Variants in NPHP4 observed in about 807,000 individuals in gnomAD.
NPHP4 encodes nephrocystin-4.
NPHP4 carries 151 observed loss-of-function variants against 155.8 expected under a neutral mutation model. The observed-to-expected ratio is 0.97, with a 90% confidence interval of 0.85 to 1.11. NPHP4 has a LOEUF of 1.11. Ranked by LOEUF, NPHP4 falls within the 50% of genes least tolerant of loss-of-function variation. The pLI, the probability that NPHP4 is intolerant of heterozygous loss-of-function variation, is 0.00. For synonymous variants in NPHP4, 845 were observed against 816.8 expected (o/e 1.03, Z -0.59); for missense variants, 1,956 against 1,925.7 (o/e 1.02, Z -0.29).
intron 9 of NPHP4, among the ~76,000 whole-genome samples, chr1:5,937,563 C>T (rs898798485): frequency 3.3e-5 from 5 of 152,006 alleles, no homozygotes; most frequent in African/African-American, 4.8e-5. Flanking sequence ...CTGGGACCTC[C>T]AGCCCCAGGA....
intron 9 of NPHP4, among the ~76,000 whole-genome samples, chr1:5,942,942 TTGCAGGTTTGCCCC>T (rs1169138300): frequency 6.6e-6 from 1 of 152,198 alleles, no homozygotes; most frequent in African/African-American, 2.4e-5. Context: ...CTGGTGATTT[TTGCAGGTTTGCCCC>T]TGTTGCATTT....
intron 18 of NPHP4, chr1:5,880,525 G>T: frequency 2.5e-6 from 1 of 402,958 alleles, no homozygotes; most frequent in South Asian, 2.8e-5. Flanking sequence ...GCTGCACATG[G>T]ATTCTTACTT....
In NPHP4 at chr1:5,892,359, C is replaced by G. The variant is rs889381216; in HGVS notation, c.2144-1331G>C. ...CCGTGCCTAGCATGCTCCTGCCCCC[C>G]ACTCCAGGAGCTCTCAGCATGCTGT... On this transcript the variant is annotated intron_variant, in intron 16 of 29. Transcript: ENST00000378156. The surrounding 1 kb of genome is among the most constrained non-coding windows in gnomAD (Gnocchi z 4.5). Among the ~76,000 whole-genome samples the G allele has an allele frequency of 6.6e-6, 1 of 152,140 alleles. No individual in the cohort carries two copies. The highest frequency in any genetic ancestry group is 1.5e-5 in the Non-Finnish European group (1 of 68,008).
At chr1:5,961,484 A>C (rs1159673068) in intron 6 of NPHP4, among the ~76,000 whole-genome samples, 1 of 152,224 alleles carries the variant, frequency 6.6e-6, no homozygotes, top group Non-Finnish European at 1.5e-5. Context: ...CATGGCTGAG[A>C]TCCAGCCAGT....
intron 11 of NPHP4, among the ~76,000 whole-genome samples, chr1:5,913,974 C>A (rs1051108129): frequency 6.6e-6 from 1 of 152,122 alleles, no homozygotes; most frequent in Admixed American, 6.6e-5. Flanking sequence ...CCGCCAGGCA[C>A]GCAGCTCCCC....
chr1:5,935,910 G>C (rs971543794), intron 9 of NPHP4, among the ~76,000 whole-genome samples: 3 of 152,036 alleles, frequency 2.0e-5, no homozygotes, highest in African/African-American at 7.2e-5. Context: ...AAATGTATTA[G>C]GAAAACTTGT....
At chr1:5,941,898 G>A (rs1646835686) in intron 9 of NPHP4, among the ~76,000 whole-genome samples, 1 of 152,228 alleles carries the variant, frequency 6.6e-6, no homozygotes, top group Non-Finnish European at 1.5e-5. Context: ...CTGCAGGTCT[G>A]TGGGAAAGCT....
At position 5,887,078 on chromosome 1, in the gene NPHP4, C is replaced by T. The variant is rs1007947440; in HGVS notation, c.2485+208G>A. On this transcript the variant is annotated intron_variant, in intron 18 of 29. Coordinates refer to ENST00000378156, the MANE Select transcript of NPHP4 (RefSeq NM_015102.5). ...CGAGATGACTGATGACCTCTAACCC[C>T]AATCAGAAATTCAGAATGCAAACAA... The T allele has an allele frequency of 3.1e-5, 18 of 579,702 alleles. No homozygotes were observed. The Admixed American group carries it at 5.2e-4, about 17-fold the overall frequency. 35.9% of individuals were successfully genotyped at this position (579,702 alleles called of 1,614,324 possible). A position where few individuals can be genotyped will look rare whatever the true frequency, so the allele number is the denominator to read the frequency against.
rs775403537 is a variant in NPHP4, at chr1:5,867,692, A to G, written c.3472+48T>C. On this transcript the variant is annotated intron_variant, in intron 24 of 29. Transcript: ENST00000378156. The surrounding 1 kb of genome is among the most constrained non-coding windows in gnomAD (Gnocchi z 4.1). ...CACCCTCAAGAGGTATCTACTTCCA[A>G]CAGGTGAGCCTGCAACATGTGGGCT... 1.1e-5 allele frequency: 17 copies of G among 1,593,494 alleles called. No homozygotes were observed. The East Asian group carries it at 3.6e-4, about 34-fold the overall frequency.
chr1:5,948,381 G>A, intron 7 of NPHP4, 130 bp from the exon 8 acceptor site: 1 of 668,042 alleles, frequency 1.5e-6, no homozygotes, highest in Non-Finnish European at 2.5e-6. Context: ...ATCAGATGAT[G>A]CTTAGTCAAG....
chr1:5,982,533 C>G (rs1189315598), intron 2 of NPHP4, among the ~76,000 whole-genome samples: 1 of 152,232 alleles, frequency 6.6e-6, no homozygotes, highest in African/African-American at 2.4e-5. Flanking sequence ...CCATGCATAA[C>G]TGTATTTACC....
chr1:5,978,300 C>G lies in NPHP4; in HGVS notation c.249G>C (p.Lys83Asn). 1 of 1,608,566 alleles carries G rather than the reference C, an allele frequency of 6.2e-7. No homozygotes were observed. Among genetic ancestry groups the G allele is most frequent in the Non-Finnish European group, 8.5e-7 (1 of 1,177,770 alleles). Residue 83 changes from lysine to asparagine, a missense_variant, in exon 3 of 30, where the codon AAG becomes AAC. Physicochemically the swap from Lys to Asn is moderately conservative, Grantham distance 94. Transcript: ENST00000378156. ...RTWKTTVKPT[K>N]RPPSRIVFNE... ...TAAAGACGATCCTGGACGGCGGTCT[C>G]TTCGTCGGCTTCACTGTGGTTTTCC...
chr1:5,973,511 C>T (rs1437760874), intron 3 of NPHP4, among the ~76,000 whole-genome samples: 4 of 152,182 alleles, frequency 2.6e-5, no homozygotes, highest in Non-Finnish European at 4.4e-5. Flanking sequence ...CACTTGAGCC[C>T]AGGAGTCCAA....
chr1:5,869,126 CA>C (rs370665075), intron 23 of NPHP4, among the ~76,000 whole-genome samples: 1 of 109,540 alleles, frequency 9.1e-6, no homozygotes, highest in Non-Finnish European at 2.2e-5. Context: ...CACACACGCA[CA>C]ATGCACACAT....
At chr1:5,940,317 C>G (rs1160422937) in intron 9 of NPHP4, among the ~76,000 whole-genome samples, 3 of 152,130 alleles carry the variant, frequency 2.0e-5, no homozygotes, top group African/African-American at 7.2e-5. Flanking sequence ...AGTGACGTAA[C>G]AAGAAGGCCC....
intron 20 of NPHP4, chr1:5,876,073 G>A (rs1642569099): frequency 1.3e-5 from 2 of 152,322 alleles, no homozygotes; most frequent in Admixed American, 6.5e-5. Context: ...CCTCTGACAG[G>A]CTGTGCTGGA....
chr1:5,985,102 C>G (rs1655273783), intron 2 of NPHP4, among the ~76,000 whole-genome samples: 1 of 152,204 alleles, frequency 6.6e-6, no homozygotes, highest in African/African-American at 2.4e-5. Flanking sequence ...GGTGCTCAAT[C>G]CAAGGGCTTG....
chr1:5,866,881 G>A (rs1366750827), intron 25 of NPHP4, 149 bp downstream of exon 25: 7 of 643,184 alleles, frequency 1.1e-5, no homozygotes, highest in African/African-American at 1.8e-5. Context: ...TCATAAGGAT[G>A]TCAAAATAGC....
Position 5,910,742 on chromosome 1 carries a change from A to G in NPHP4, c.1442-1529T>C, listed in dbSNP as rs1645139486. Among the ~76,000 whole-genome samples, 1 of 152,108 alleles carries G rather than the reference A, an allele frequency of 6.6e-6. No homozygotes were observed. Among genetic ancestry groups the G allele is most frequent in the Admixed American group, 6.5e-5 (1 of 15,286 alleles). On this transcript the variant is annotated intron_variant, in intron 11 of 29. Transcript: ENST00000378156. The surrounding 1 kb of genome is among the most constrained non-coding windows in gnomAD (Gnocchi z 5.4). ...CAAATCCAGAAAGTGCCGCCCTAAC[A>G]CCAGAGCTGCACGACCATCGGAGCC...
Sources: gnomAD v4.1 joint callset for allele counts (sites outside exome capture counted in the v4.1 genomes callset) on GRCh38, gnomAD v4.1.1 for gene constraint, Gnocchi (gnomAD v3.1) non-coding constraint, MANE v1.5 for transcripts, NCBI Gene and HGNC (gene_info 2026-07-23, HGNC 2026-07-21) for gene names.